NUDCD3: variants seen among roughly 807,000 people sequenced by gnomAD.
The protein encoded by NUDCD3 is NudC domain containing 3, also known as nudC domain-containing protein 3.
In NUDCD3, 13 loss-of-function variants were observed where a neutral mutation model predicts 39.7. That is an observed-to-expected ratio of 0.33 (90% CI 0.21 to 0.52). NUDCD3 has a LOEUF of 0.52. Among genes scored for constraint, NUDCD3 ranks in the 20% least tolerant of loss-of-function variants. The pLI is 0.96. For synonymous variants in NUDCD3, 175 were observed against 172.4 expected (o/e 1.02, Z -0.12); for missense variants, 453 against 458.1 (o/e 0.99, Z 0.10).
At chr7:44,386,805 G>A (rs1798410343) in intron 5 of NUDCD3, among the ~76,000 whole-genome samples, 1 of 152,164 alleles carries the variant, frequency 6.6e-6, no homozygotes, top group African/African-American at 2.4e-5. Flanking sequence ...AGGATCAGAA[G>A]CAAGGCTCAG....
intron 2 of NUDCD3, among the ~76,000 whole-genome samples, chr7:44,436,818 GTT>G (rs1799474712): frequency 6.6e-6 from 1 of 151,942 alleles, no homozygotes; most frequent in Non-Finnish European, 1.5e-5. Flanking sequence ...TTATTTGTTG[GTT>G]TACAGTTTAC....
rs1798381119 is a variant in NUDCD3, at chr7:44,385,241, G to A, written c.*770C>T. ...CGTGCACCCAAAGAGGACGTCTTAT[G>A]GGGAGCCAAGCACAGCATGCCATGC... On this transcript the variant is annotated 3_prime_UTR_variant, in exon 6 of 6. Coordinates refer to ENST00000355451, the MANE Select transcript of NUDCD3 (RefSeq NM_015332.4). 6.6e-6 allele frequency: 1 copy of A among 152,220 alleles called. No individual in the cohort carries two copies. Among genetic ancestry groups the A allele is most frequent in the Non-Finnish European group, 1.5e-5 (1 of 68,076 alleles). The allele number at this position is 152,220 out of a possible 1,614,324, so 9.4% of individuals were successfully genotyped here.
At chr7:44,401,895 C>A (rs1389531345) in intron 4 of NUDCD3, among the ~76,000 whole-genome samples, 2 of 152,342 alleles carry the variant, frequency 1.3e-5, no homozygotes, top group East Asian at 1.9e-4. Context: ...AGTTAAACAT[C>A]CAGCTATCCT....
chr7:44,454,164 G>A (rs6958223), intron 2 of NUDCD3, among the ~76,000 whole-genome samples: 24,107 of 151,884 alleles, frequency 0.16, 2,087 homozygotes, highest in Non-Finnish European at 0.19. Context: ...ACGGTGAAAC[G>A]CTGTCTCTAC....
At chr7:44,440,496 GAAAA>G (rs72065068) in intron 2 of NUDCD3, among the ~76,000 whole-genome samples, 6 of 48,386 alleles carry the variant, frequency 1.2e-4, no homozygotes, top group Admixed American at 5.1e-4. Flanking sequence ...CAGAAAAATT[GAAAA>G]AAAAAAAAAA....
Position 44,392,291 on chromosome 7 carries a change from T to C in NUDCD3, c.975+6A>G, listed in dbSNP as rs770045228. 2.9e-5 allele frequency: 47 copies of C among 1,613,304 alleles called. No individual in the cohort carries two copies. Among genetic ancestry groups the C allele is most frequent in the Non-Finnish European group, 3.9e-5 (46 of 1,179,460 alleles). Reference sequence around the variant, plus strand: ...GGTGGACTCTCCAGGACTGCCATGCTCGTACCAGCTCATGGCTCTGTGGCT... The same window carrying C: ...GGTGGACTCTCCAGGACTGCCATGCCCGTACCAGCTCATGGCTCTGTGGCT... On this transcript the variant is annotated splice_donor_region_variant and intron_variant, in intron 5 of 5. Coordinates refer to ENST00000355451, the MANE Select transcript of NUDCD3 (RefSeq NM_015332.4).
intron 2 of NUDCD3, among the ~76,000 whole-genome samples, chr7:44,471,465 G>A (rs1268161905): frequency 1.3e-5 from 2 of 152,190 alleles, no homozygotes; most frequent in African/African-American, 4.8e-5. Flanking sequence ...ACCAGCTCAG[G>A]GCTAGGTGAT....
chr7:44,459,686 A>G (rs1399851727), intron 2 of NUDCD3, among the ~76,000 whole-genome samples: 1 of 152,230 alleles, frequency 6.6e-6, no homozygotes, highest in East Asian at 1.9e-4. Flanking sequence ...CATATGGTGG[A>G]GAAGAAGATA....
chr7:44,445,178 G>A lies in NUDCD3; in HGVS notation c.510-17475C>T, dbSNP rs1042418986. 4.6e-5 allele frequency among the ~76,000 whole-genome samples: 7 copies of A among 152,204 alleles called. 1 individual carries two copies. The highest frequency in any genetic ancestry group is 5.9e-5 in the Non-Finnish European group (4 of 68,020). On this transcript the variant is annotated intron_variant, in intron 2 of 5. Transcript: ENST00000355451. ...ACACAGTGCTATCTCTATATCTTCC[G>A]CACATGCACCCCTGAACTGCAACAG...
chr7:44,450,075 T>C (rs771457412), intron 2 of NUDCD3, among the ~76,000 whole-genome samples: 4 of 152,164 alleles, frequency 2.6e-5, no homozygotes, highest in African/African-American at 9.7e-5. Flanking sequence ...ATATTTCCAC[T>C]GACACTTCAT....
intron 2 of NUDCD3, among the ~76,000 whole-genome samples, chr7:44,428,253 T>C (rs989988156): frequency 6.6e-6 from 1 of 150,972 alleles, no homozygotes; most frequent in Non-Finnish European, 1.5e-5. Flanking sequence ...CTGGCTAACA[T>C]GGTGAAACCC....
At chr7:44,398,730 G>A (rs1186632342) in intron 4 of NUDCD3, among the ~76,000 whole-genome samples, 1 of 152,184 alleles carries the variant, frequency 6.6e-6, no homozygotes, top group African/African-American at 2.4e-5. Flanking sequence ...ACAGCTGCCC[G>A]CGTGATCGAG....
At chr7:44,476,039 C>T (rs748492917) in intron 2 of NUDCD3, among the ~76,000 whole-genome samples, 3 of 152,180 alleles carry the variant, frequency 2.0e-5, no homozygotes, top group Admixed American at 6.5e-5. Context: ...CCACAGTCTA[C>T]GGGGTTGGGT....
In NUDCD3 at chr7:44,476,816, G is replaced by A. The variant is rs144830683; in HGVS notation, c.509+8152C>T. Among the ~76,000 whole-genome samples the A allele has an allele frequency of 2.4e-3, 364 of 152,224 alleles. 2 individuals are homozygous for A. Among genetic ancestry groups the A allele is most frequent in the African/African-American group, 8.0e-3 (334 of 41,538 alleles). ...GCACAGCCAGCCATAAAGGAATAAC[G>A]TAAAATGAAGTGCAAACTCCAAGGA... is the stretch of plus-strand genomic sequence containing the variant. On this transcript the variant is annotated intron_variant, in intron 2 of 5. Coordinates refer to ENST00000355451, the MANE Select transcript of NUDCD3 (RefSeq NM_015332.4).
intron 1 of NUDCD3, chr7:44,490,189 T>TTAC: frequency 1.9e-6 from 1 of 533,422 alleles, no homozygotes; most frequent in South Asian, 2.4e-5. Flanking sequence ...AACAGTCGGC[T>TTAC]TACTACTTCT....
rs982332161 is a variant in NUDCD3, at chr7:44,392,229, C to A, written c.975+68G>T. On this transcript the variant is annotated intron_variant, in intron 5 of 5. Coordinates refer to ENST00000355451, the MANE Select transcript of NUDCD3 (RefSeq NM_015332.4). ...CCCACCGTCATCACCAACCCCTCTGCCACTATCGGCCTTGTCACCAGCACA... is the reference window on the plus strand; with the variant it reads ...CCCACCGTCATCACCAACCCCTCTGACACTATCGGCCTTGTCACCAGCACA... 1.2e-5 allele frequency: 18 copies of A among 1,470,638 alleles called. No homozygotes were observed. The African/African-American group carries it at 2.2e-4, about 18-fold the overall frequency. 91.1% of individuals were successfully genotyped at this position (1,470,638 alleles called of 1,614,324 possible).
chr7:44,428,339 G>C (rs1470543461), intron 2 of NUDCD3, among the ~76,000 whole-genome samples: 2 of 151,774 alleles, frequency 1.3e-5, no homozygotes, highest in Non-Finnish European at 2.9e-5. Flanking sequence ...GGGAGGCTTG[G>C]GCAGGAGAAT....
intron 2 of NUDCD3, among the ~76,000 whole-genome samples, chr7:44,481,995 G>C (rs775378319): frequency 1.3e-5 from 2 of 152,170 alleles, no homozygotes; most frequent in Non-Finnish European, 2.9e-5. Flanking sequence ...CCAGTATCCA[G>C]AACTGTGAGC....
chr7:44,488,707 G>A (rs1000947450), intron 1 of NUDCD3, among the ~76,000 whole-genome samples: 3 of 152,152 alleles, frequency 2.0e-5, no homozygotes, highest in Non-Finnish European at 4.4e-5. Flanking sequence ...AGTCACCCAA[G>A]TTGAAACCTT....
Sources: allele counts gnomAD v4.1 joint callset (sites outside exome capture counted in the v4.1 genomes callset), GRCh38; gene constraint gnomAD v4.1.1; transcripts MANE v1.5; gene names NCBI Gene and HGNC (gene_info 2026-07-23, HGNC 2026-07-21).